LRMDA: variants seen among roughly 807,000 people sequenced by gnomAD.
The protein encoded by LRMDA is leucine-rich melanocyte differentiation-associated protein.
Under a neutral mutation model 29.8 loss-of-function variants are expected in LRMDA, and 18 were observed. The ratio of observed to expected loss-of-function variants is 0.60; its 90% CI spans 0.42 to 0.90. The LOEUF is 0.90. Ranked by LOEUF, LRMDA falls within the 40% of genes least tolerant of loss-of-function variation. LRMDA has a pLI of 0.00. For synonymous variants in LRMDA, 125 were observed against 109.4 expected, an observed-to-expected ratio of 1.14 and a Z score of -0.89; for missense variants, 273 against 273.9, an observed-to-expected ratio of 1.00 and a Z score of 0.02.
At chr10:75,676,199 C>G (rs1357200003) in intron 2 of LRMDA, among the ~76,000 whole-genome samples, 2 of 152,174 alleles carry the variant, frequency 1.3e-5, no homozygotes, top group Non-Finnish European at 2.9e-5. Flanking sequence ...TGTGGCCTTA[C>G]TCCTGAACAC....
chr10:75,482,239 G>A (rs1202136046), intron 2 of LRMDA, among the ~76,000 whole-genome samples: 3 of 152,140 alleles, frequency 2.0e-5, no homozygotes, highest in African/African-American at 7.2e-5. Flanking sequence ...TGCATCTTCT[G>A]TTTGGCCTTC....
At chr10:75,627,611 T>C (rs946818958) in intron 2 of LRMDA, among the ~76,000 whole-genome samples, 4 of 152,180 alleles carry the variant, frequency 2.6e-5, no homozygotes, top group Non-Finnish European at 5.9e-5. Flanking sequence ...CAGTTACTGC[T>C]GTGGGCAATA....
intron 2 of LRMDA, among the ~76,000 whole-genome samples, chr10:75,605,486 C>T (rs1840944732): frequency 6.6e-6 from 1 of 152,150 alleles, no homozygotes; most frequent in Admixed American, 6.5e-5. Context: ...TTTTCTTCCC[C>T]AGCAGTCGAA....
At chr10:75,526,078 T>G (rs1845409973) in intron 2 of LRMDA, among the ~76,000 whole-genome samples, 1 of 151,914 alleles carries the variant, frequency 6.6e-6, no homozygotes, top group African/African-American at 2.4e-5. Flanking sequence ...TTTCATTTCT[T>G]TTTTAGAGAT....
At chr10:76,332,335 G>T (rs16933339) in intron 6 of LRMDA, among the ~76,000 whole-genome samples, 1 of 152,126 alleles carries the variant, frequency 6.6e-6, no homozygotes, top group African/African-American at 2.4e-5. Context: ...AAATCCATAG[G>T]GGTCCATTTC....
intron 6 of LRMDA, among the ~76,000 whole-genome samples, chr10:76,552,032 C>G (rs1843502072): frequency 6.6e-6 from 1 of 152,212 alleles, no homozygotes; most frequent in Non-Finnish European, 1.5e-5. Context: ...GATTTCATAG[C>G]TACATTTATA....
chr10:75,891,837 G>A (rs1028940202), intron 2 of LRMDA, among the ~76,000 whole-genome samples: 1 of 152,120 alleles, frequency 6.6e-6, no homozygotes, highest in East Asian at 1.9e-4. Context: ...TGGCAAGGAG[G>A]GGCAGATTTG....
At position 76,435,663 on chromosome 10, in the gene LRMDA, C is replaced by T. The variant is rs141031465; in HGVS notation, c.601+111178C>T. Among the ~76,000 whole-genome samples the T allele has an allele frequency of 5.0e-4, 76 of 152,302 alleles. 1 individual carries two copies. The highest frequency in any genetic ancestry group is 4.6e-3 in the South Asian group (22 of 4,818). ...TTGAAAGACTTCATAGAATCACCCCCGCTCATCTTATTCTTGGTGAATACT... is the reference window on the plus strand; with the variant it reads ...TTGAAAGACTTCATAGAATCACCCCTGCTCATCTTATTCTTGGTGAATACT... On this transcript the variant is annotated intron_variant, in intron 6 of 6. Coordinates refer to ENST00000611255, the MANE Select transcript of LRMDA (RefSeq NM_001305581.2).
At chr10:75,621,199 TACACACACACACAC>T (rs753933285) in intron 2 of LRMDA, among the ~76,000 whole-genome samples, 2 of 136,636 alleles carry the variant, frequency 1.5e-5, no homozygotes, top group African/African-American at 5.2e-5. Context: ...AGTATTCCAT[TACACACACACACAC>T]ACACACACAC....
intron 6 of LRMDA, among the ~76,000 whole-genome samples, chr10:76,353,486 G>A (rs1326248567): frequency 6.6e-6 from 1 of 152,082 alleles, no homozygotes; most frequent in African/African-American, 2.4e-5. Context: ...ACAAATACCA[G>A]GGCTCTCCAC....
At chr10:76,480,091 A>G (rs139073423) in intron 6 of LRMDA, among the ~76,000 whole-genome samples, 1 of 152,084 alleles carries the variant, frequency 6.6e-6, no homozygotes, top group East Asian at 2.0e-4. Flanking sequence ...TAGATAAGGA[A>G]ACTGAGTCTC....
At chr10:76,105,744 G>T (rs1849470291) in intron 5 of LRMDA, among the ~76,000 whole-genome samples, 1 of 152,078 alleles carries the variant, frequency 6.6e-6, no homozygotes, top group Non-Finnish European at 1.5e-5. Flanking sequence ...GAATAAATTT[G>T]TGCTGTTTTG....
chr10:76,467,638 T>C (rs1003958283), intron 6 of LRMDA, among the ~76,000 whole-genome samples: 3 of 152,220 alleles, frequency 2.0e-5, no homozygotes, highest in African/African-American at 4.8e-5. Context: ...TCAGCCTTTG[T>C]AATTAAAAAT....
intron 2 of LRMDA, among the ~76,000 whole-genome samples, chr10:75,972,383 A>G (rs1846990311): frequency 6.6e-6 from 1 of 152,052 alleles, no homozygotes; most frequent in Non-Finnish European, 1.5e-5. Flanking sequence ...CAAGGAAAAA[A>G]CTTGTCCCCA....
chr10:76,296,485 C>A (rs1037377351), intron 5 of LRMDA, among the ~76,000 whole-genome samples: 1 of 152,204 alleles, frequency 6.6e-6, no homozygotes, highest in Non-Finnish European at 1.5e-5. Context: ...CCAAACCCAA[C>A]TATTTAATGT....
At chr10:75,689,867 G>T (rs1164226810) in intron 2 of LRMDA, among the ~76,000 whole-genome samples, 1 of 152,202 alleles carries the variant, frequency 6.6e-6, no homozygotes, top group Non-Finnish European at 1.5e-5. Flanking sequence ...AGTTCTCCCA[G>T]CCTTTGCAGG....
At chr10:76,107,312 G>A (rs903914050) in intron 5 of LRMDA, among the ~76,000 whole-genome samples, 9 of 152,206 alleles carry the variant, frequency 5.9e-5, no homozygotes, top group Non-Finnish European at 1.5e-5. Context: ...GGTAGGGCCT[G>A]AGAATTTGCA....
chr10:75,682,359 G>A (rs1382122936), intron 2 of LRMDA, among the ~76,000 whole-genome samples: 2 of 152,088 alleles, frequency 1.3e-5, no homozygotes, highest in East Asian at 1.9e-4. Context: ...ATAAAAGCAG[G>A]AATGCATGAG....
chr10:75,652,135 A>T (rs956112998), intron 2 of LRMDA, among the ~76,000 whole-genome samples: 9 of 152,216 alleles, frequency 5.9e-5, no homozygotes, highest in Non-Finnish European at 8.8e-5. Flanking sequence ...CTAAAACCAG[A>T]TAATTTTAAA....
Sources: allele counts gnomAD v4.1 joint callset (sites outside exome capture counted in the v4.1 genomes callset), GRCh38; gene constraint gnomAD v4.1.1; transcripts MANE v1.5; gene names NCBI Gene and HGNC (gene_info 2026-07-23, HGNC 2026-07-21).